The following GOLGA8K variants were observed in gnomAD, a reference collection of about 807,000 sequenced individuals.
GOLGA8K encodes the protein golgin subfamily A member 8K.
In GOLGA8K, 12 loss-of-function variants were observed where a neutral mutation model predicts 75.2. The observed-to-expected ratio is 0.16, with a 90% CI of 0.10 to 0.26. The LOEUF (loss-of-function observed/expected upper bound fraction) is 0.26, where lower values mean the gene tolerates loss of function less well. Among genes scored for constraint, GOLGA8K ranks in the 10% least tolerant of loss-of-function variants. The pLI is 1.00. For synonymous variants in GOLGA8K, 48 were observed against 236.6 expected (o/e 0.20, Z 7.32); for missense variants, 109 against 640.8 (o/e 0.17, Z 8.96).
rs1210404003 is a variant in GOLGA8K at position 32,389,914 on chromosome 15, A to G, written c.*2868T>C. 2.9e-5 allele frequency among the ~76,000 whole-genome samples: 3 copies of G among 103,374 alleles called. 1 individual carries two copies. The highest frequency in any genetic ancestry group is 4.1e-5 in the Non-Finnish European group (2 of 48,252). 67.8% of individuals were successfully genotyped at this position (103,374 alleles called of 152,430 possible). Reference sequence around the variant, plus strand: ...TATATTATTTTAAAATGACTAAGATAAAGTTTTAGAGAAACTATATTATGG... The same window carrying G: ...TATATTATTTTAAAATGACTAAGATGAAGTTTTAGAGAAACTATATTATGG... On this transcript the variant is annotated 3_prime_UTR_variant, in exon 19 of 19. Coordinates refer to ENST00000512626, the MANE Select transcript of GOLGA8K (RefSeq NM_001282493.2).
intron 8 of GOLGA8K, 143 bp from the exon 9 acceptor site, chr15:32,397,646 A>G: frequency 8.5e-7 from 1 of 1,170,122 alleles, no homozygotes; most frequent in Non-Finnish European, 1.2e-6. Context: ...TCTGGTTTTT[A>G]AAAGAACACA....
rs2054669966 is a variant in GOLGA8K at position 32,398,997 on chromosome 15, G to A, written c.349-12C>T. The A allele has an allele frequency of 5.2e-6, 6 of 1,152,858 alleles. 1 individual carries two copies. Among genetic ancestry groups the A allele is most frequent in the Admixed American group, 5.3e-5 (2 of 37,736 alleles). The allele number at this position is 1,152,858 out of a possible 1,614,324, so 71.4% of individuals were successfully genotyped here. A position where few individuals can be genotyped will look rare whatever the true frequency, so the allele number is the denominator to read the frequency against. The stretch of plus-strand genomic sequence containing the variant: ...TTTGCTTTCTTTTCCTGTAGGAAGA[G>A]GAAGACAGAGCTCTTACCAGGGGGA... On this transcript the variant is annotated splice_polypyrimidine_tract_variant and intron_variant, in intron 5 of 18. Coordinates refer to ENST00000512626, the MANE Select transcript of GOLGA8K (RefSeq NM_001282493.2).
rs1595664880 is a variant in GOLGA8K, at chr15:32,392,728, A to C, written c.*54T>G. 4 of 1,139,730 alleles carry C rather than the reference A, an allele frequency of 3.5e-6. 1 individual carries two copies. The East Asian group carries it at 1.1e-4, about 32-fold the overall frequency. 70.6% of individuals were successfully genotyped at this position (1,139,730 alleles called of 1,614,324 possible). ...GAATTGTGTAGGAGATTAACCCCAT[A>C]ACTTGGTTTCTTATTTAAAAATTTC... On this transcript the variant is annotated 3_prime_UTR_variant, in exon 19 of 19. Transcript: ENST00000512626.
In GOLGA8K at chr15:32,396,406, G is replaced by T; in HGVS notation, c.1012C>A (p.Arg338=). The change falls in exon 12 of 19, where the codon CGA becomes AGA. Residue 338 remains arginine, a synonymous_variant. Coordinates refer to ENST00000512626, the MANE Select transcript of GOLGA8K (RefSeq NM_001282493.2). ...KNQRISLLNQ[R]QEERIQEQEE... is the part of the protein sequence containing the mutation. Reference sequence around the variant, plus strand: ...TGCTCCTGAATCCTCTCTTCTTGTCGCTGGTTCAGGAGACTTATGCGCTGA... The same window carrying T: ...TGCTCCTGAATCCTCTCTTCTTGTCTCTGGTTCAGGAGACTTATGCGCTGA... The T allele has an allele frequency of 7.2e-7, 1 of 1,393,222 alleles. No individual in the cohort carries two copies. 86.3% of individuals were successfully genotyped at this position (1,393,222 alleles called of 1,614,324 possible).
chr15:32,395,255 T>G (rs1385323865), intron 13 of GOLGA8K, among the ~76,000 whole-genome samples: 7 of 137,038 alleles, frequency 5.1e-5, no homozygotes, highest in African/African-American at 1.0e-4. Flanking sequence ...CATTTAATCC[T>G]CAGCACCTCT....
intron 13 of GOLGA8K, among the ~76,000 whole-genome samples, 180 bp downstream of exon 13, chr15:32,395,783 A>G (rs947159683): frequency 6.7e-6 from 1 of 148,974 alleles, no homozygotes; most frequent in African/African-American, 2.5e-5. Context: ...AGAGGAGCCC[A>G]GGGCTACCCA....
intron 13 of GOLGA8K, among the ~76,000 whole-genome samples, chr15:32,395,081 T>TG (rs2054591848): frequency 6.8e-6 from 1 of 146,946 alleles, no homozygotes; most frequent in South Asian, 2.2e-4. Context: ...GGGCATGTGG[T>TG]GGCTGGTTTC....
intron 8 of GOLGA8K, among the ~76,000 whole-genome samples, 167 bp from the exon 9 acceptor site, chr15:32,397,670 G>A (rs4600440): frequency 0.099 from 14,948 of 150,480 alleles, 128 homozygotes; most frequent in African/African-American, 0.18. Flanking sequence ...AAGTTGGAAC[G>A]GACAGGGAAT....
chr15:32,394,311 A>G, intron 14 of GOLGA8K, 78 bp from the exon 15 acceptor site: 1 of 628,950 alleles, frequency 1.6e-6, no homozygotes, highest in Non-Finnish European at 2.8e-6. Flanking sequence ...CTCCACCCTC[A>G]CTGTGTAACC....
At position 32,394,147 on chromosome 15, in the gene GOLGA8K, T is replaced by G. The variant is rs201364836; in HGVS notation, c.1363A>C (p.Met455Leu). The G allele has an allele frequency of 1.9e-6, 2 of 1,061,794 alleles. No homozygotes were observed. Among genetic ancestry groups the G allele is most frequent in the Non-Finnish European group, 1.3e-6 (1 of 781,336 alleles). 65.8% of individuals were successfully genotyped at this position (1,061,794 alleles called of 1,614,324 possible). ...VPEDLESREA[M>L]SSFMDHLKEK... ...GGTGCAGGGGGAGTCAGGCTCACCATGGCCTCCCTGCTCTCCAGGTCCTCT... is the reference window on the plus strand; with the variant it reads ...GGTGCAGGGGGAGTCAGGCTCACCAGGGCCTCCCTGCTCTCCAGGTCCTCT... The change falls in exon 15 of 19, where the codon ATG becomes CTG. Residue 455 changes from methionine (M) to leucine (L), a missense_variant and splice_region_variant. Met to Leu is a conservative substitution (Grantham distance 15). Coordinates refer to ENST00000512626, the MANE Select transcript of GOLGA8K (RefSeq NM_001282493.2).
chr15:32,401,650 A>G (rs2054690804), intron 1 of GOLGA8K, among the ~76,000 whole-genome samples, 175 bp from the exon 2 acceptor site: 1 of 55,282 alleles, frequency 1.8e-5, no homozygotes, highest in Non-Finnish European at 4.2e-5. Flanking sequence ...TCATGGCTAG[A>G]AAAAAAAAAA....
At position 32,394,238 on chromosome 15, in the gene GOLGA8K, G is replaced by T. The variant is rs751266942; in HGVS notation, c.1277-5C>A. The T allele has an allele frequency of 2.0e-6, 3 of 1,526,774 alleles. No homozygotes were observed. The highest frequency in any genetic ancestry group is 1.9e-5 in the Admixed American group (1 of 52,264). 94.6% of individuals were successfully genotyped at this position (1,526,774 alleles called of 1,614,324 possible). A position where few individuals can be genotyped will look rare whatever the true frequency, so the allele number is the denominator to read the frequency against. Reference sequence around the variant, plus strand: ...TGTCCAGATGTTCTCCGTGTCCTGTGGGGGGTGGCCAGAGGGGTCTTCAGA... The same window carrying T: ...TGTCCAGATGTTCTCCGTGTCCTGTTGGGGGTGGCCAGAGGGGTCTTCAGA... On this transcript the variant is annotated splice_region_variant and splice_polypyrimidine_tract_variant and intron_variant, in intron 14 of 18. Transcript: ENST00000512626.
intron 2 of GOLGA8K, among the ~76,000 whole-genome samples, chr15:32,400,695 TC>T (rs1267269537): frequency 1.6e-5 from 1 of 63,364 alleles, no homozygotes; most frequent in Non-Finnish European, 3.1e-5. Context: ...TGTCCTGGTT[TC>T]CCCCTGAGAC....
At chr15:32,395,389 T>A (rs1463848014) in intron 13 of GOLGA8K, among the ~76,000 whole-genome samples, 3 of 144,330 alleles carry the variant, frequency 2.1e-5, no homozygotes, top group African/African-American at 7.4e-5. Flanking sequence ...GTCTTTTTGT[T>A]TTGTTTTCAG....
intron 1 of GOLGA8K, 25 bp from the exon 2 acceptor site, chr15:32,401,500 C>G (rs778786627): frequency 7.6e-7 from 1 of 1,311,082 alleles, no homozygotes; most frequent in Non-Finnish European, 1.0e-6. Flanking sequence ...AGCAGTAATA[C>G]TCATGAGAAC....
Position 32,401,065 on chromosome 15 carries a change from GC to G in GOLGA8K, c.168+290del, listed in dbSNP as rs1175935695. 1.4e-3 allele frequency among the ~76,000 whole-genome samples: 192 copies of G among 138,858 alleles called. 2 individuals carry two copies. The highest frequency in any genetic ancestry group is 7.2e-3 in the Middle Eastern group (2 of 276). 91.1% of individuals were successfully genotyped at this position (138,858 alleles called of 152,430 possible). ...AGGTTCACACCATTCTCTTGCCTCA[GC>G]CTTCTGAGTAGCTGGGACTACAGGC... is the stretch of plus-strand genomic sequence containing the variant. On this transcript the variant is annotated intron_variant, in intron 2 of 18. Coordinates refer to ENST00000512626, the MANE Select transcript of GOLGA8K (RefSeq NM_001282493.2).
At chr15:32,400,950 T>C (rs2140288134) in intron 2 of GOLGA8K, among the ~76,000 whole-genome samples, 1 of 91,308 alleles carries the variant, frequency 1.1e-5, no homozygotes, top group East Asian at 4.1e-4. Flanking sequence ...AGAATTCCTT[T>C]TTTTTTTTTT....
rs756326609 is a variant in GOLGA8K at position 32,392,872 on chromosome 15, G to C, written c.1803C>G (p.Ile601Met). Residue 601 changes from isoleucine to methionine, a missense_variant, in exon 19 of 19, where the codon ATC becomes ATG. Ile to Met is a conservative substitution (Grantham distance 10, BLOSUM62 1). Transcript: ENST00000512626. ...CTGGGTGCTCCTTGTGGTCCTGCAC[G>C]ATCGGCTGTGCAGTAGGCTTGTCAA... The part of the protein sequence containing the change: ...PLLDKPTAQP[I>M]VQDHKEHPGL... The C allele has an allele frequency of 1.1e-5, 14 of 1,306,706 alleles. 5 individuals are homozygous for C. Among genetic ancestry groups the C allele is most frequent in the African/African-American group, 1.6e-5 (1 of 60,700 alleles). 80.9% of individuals were successfully genotyped at this position (1,306,706 alleles called of 1,614,324 possible). A position where few individuals can be genotyped will look rare whatever the true frequency, so the allele number is the denominator to read the frequency against.
Position 32,394,198 on chromosome 15 carries a change from C to T in GOLGA8K, c.1312G>A (p.Ala438Thr), listed in dbSNP as rs1372402148. The T allele has an allele frequency of 2.0e-6, 3 of 1,475,850 alleles. 1 individual carries two copies. Among genetic ancestry groups the T allele is most frequent in the East Asian group, 5.3e-5 (2 of 37,552 alleles). The allele number at this position is 1,475,850 out of a possible 1,614,324, so 91.4% of individuals were successfully genotyped here. The change falls in exon 15 of 19, where the codon GCA becomes ACA. Residue 438 changes from alanine (A) to threonine (T), a missense_variant. By Grantham distance (58) the Ala-to-Thr change is moderately conservative. Coordinates refer to ENST00000512626, the MANE Select transcript of GOLGA8K (RefSeq NM_001282493.2). ...GEHLDSEGEE[A>T]PQPMPSVPED... ...GGGACACTCGGCATGGGCTGAGGTGCCTCCTCCCCCTCACTGTCCAGATGT... is the reference window on the plus strand; with the variant it reads ...GGGACACTCGGCATGGGCTGAGGTGTCTCCTCCCCCTCACTGTCCAGATGT...
Sources: gnomAD v4.1 joint callset for allele counts (sites outside exome capture counted in the v4.1 genomes callset) on GRCh38, gnomAD v4.1.1 for gene constraint, MANE v1.5 for transcripts, NCBI Gene and HGNC (gene_info 2026-07-23, HGNC 2026-07-21) for gene names.